PDSS1: variants seen among roughly 807,000 people sequenced by gnomAD.
The protein encoded by PDSS1 is decaprenyl diphosphate synthase subunit 1.
A neutral mutation model predicts 57.5 loss-of-function variants in PDSS1; 43 were observed. The observed-to-expected ratio is 0.75, with a 90% CI of 0.59 to 0.96. The LOEUF (loss-of-function observed/expected upper bound fraction) is 0.96, where lower values mean the gene tolerates loss of function less well. Ranked by LOEUF, PDSS1 falls within the 50% of genes least tolerant of loss-of-function variation. The probability of loss-of-function intolerance (pLI) is 0.00; values close to 1 mark genes in which losing one functional copy is unlikely to be tolerated. For synonymous variants in PDSS1, 175 were observed against 191.3 expected (o/e 0.91, Z 0.70); for missense variants, 438 against 527.8 (o/e 0.83, Z 1.67).
chr10:26,720,189 G>A, intron 5 of PDSS1, 29 bp from the exon 6 acceptor site: 1 of 1,612,150 alleles, frequency 6.2e-7, no homozygotes, highest in Non-Finnish European at 8.5e-7. Context: ...GGCGGCGTCT[G>A]TTAAAAAGCA....
rs577478695 is a variant in PDSS1 at position 26,746,626 on chromosome 10, A to AAAG, written c.*154_*156dup. 135 of 806,458 alleles carry AAAG rather than the reference A, an allele frequency of 1.7e-4. No individual in the cohort carries two copies. The African/African-American group carries it at 2.0e-3, about 12-fold the overall frequency. The allele number at this position is 806,458 out of a possible 1,614,324, so 50.0% of individuals were successfully genotyped here. A position where few individuals can be genotyped will look rare whatever the true frequency, so the allele number is the denominator to read the frequency against. ...GGGCAATTTATTTTTTTTTATTGCA[A>AAAG]AAGTTTTTTCAGAAAACTTTTTAAA... On this transcript the variant is annotated 3_prime_UTR_variant, in exon 12 of 12. Coordinates refer to ENST00000376215, the MANE Select transcript of PDSS1 (RefSeq NM_014317.5).
intron 4 of PDSS1, among the ~76,000 whole-genome samples, chr10:26,707,940 T>C (rs114316367): frequency 0.017 from 2,614 of 152,344 alleles, 59 homozygotes; most frequent in African/African-American, 0.055. Flanking sequence ...CCTTCTAGTC[T>C]GCCTCTTGTC....
intron 11 of PDSS1, among the ~76,000 whole-genome samples, chr10:26,742,898 T>TA (rs1836679692): frequency 1.3e-5 from 2 of 152,180 alleles, no homozygotes; most frequent in African/African-American, 4.8e-5. Flanking sequence ...CTTCCCTGTG[T>TA]CCATCAACAG....
rs1836516071 is a variant in PDSS1, at chr10:26,739,575, A to T, written c.1027-2922A>T. 2.0e-5 allele frequency among the ~76,000 whole-genome samples: 3 copies of T among 152,352 alleles called. No individual in the cohort carries two copies. In the South Asian group the frequency reaches 6.2e-4, roughly 32 times the overall value. On this transcript the variant is annotated intron_variant, in intron 10 of 11. Coordinates refer to ENST00000376215, the MANE Select transcript of PDSS1 (RefSeq NM_014317.5). Reference sequence around the variant, plus strand: ...TGAAAACACCCAATCAGCATATCTTACCACACTTGCTGGTACTGTAGAAAA... The same window carrying T: ...TGAAAACACCCAATCAGCATATCTTTCCACACTTGCTGGTACTGTAGAAAA...
chr10:26,737,691 C>G (rs1247646672), intron 10 of PDSS1, among the ~76,000 whole-genome samples: 4 of 139,270 alleles, frequency 2.9e-5, no homozygotes, highest in Admixed American at 7.7e-5. Flanking sequence ...AGACTGCACT[C>G]CAGCCTGGGT....
chr10:26,724,224 C>T, intron 8 of PDSS1, 101 bp downstream of exon 8: 1 of 795,684 alleles, frequency 1.3e-6, no homozygotes, highest in South Asian at 1.5e-5. Context: ...AAAATAGTAC[C>T]CAAAAATCCC....
chr10:26,736,042 A>G (rs887227461), intron 10 of PDSS1, among the ~76,000 whole-genome samples: 4 of 152,178 alleles, frequency 2.6e-5, no homozygotes, highest in Admixed American at 6.5e-5. Flanking sequence ...CTAGAAGTTT[A>G]ATGAGACTCT....
chr10:26,736,103 G>A lies in PDSS1; in HGVS notation c.1026+524G>A, dbSNP rs1004362718. Among the ~76,000 whole-genome samples the A allele has an allele frequency of 3.9e-5, 6 of 152,200 alleles. No individual in the cohort carries two copies. In the South Asian group the frequency reaches 1.0e-3, roughly 26 times the overall value. On this transcript the variant is annotated intron_variant, in intron 10 of 11. Transcript: ENST00000376215. ...CTCGGCCATTGCCTCAAAATGTCAG[G>A]AAGTCAGTGGAGTGCAGTAGACCCA...
chr10:26,699,252 G>C (rs1376721048), intron 1 of PDSS1, among the ~76,000 whole-genome samples: 1 of 152,178 alleles, frequency 6.6e-6, no homozygotes, highest in Non-Finnish European at 1.5e-5. Context: ...AAGAGGCTTA[G>C]AGGAGGAAGG....
intron 6 of PDSS1, among the ~76,000 whole-genome samples, chr10:26,723,462 G>T (rs781346445): frequency 6.6e-5 from 10 of 152,160 alleles, no homozygotes; most frequent in Non-Finnish European, 1.2e-4. Flanking sequence ...AGCCAATACA[G>T]TTCAAGTACT....
At position 26,746,528 on chromosome 10, in the gene PDSS1, T is replaced by C. The variant is rs562554609; in HGVS notation, c.*55T>C. ...CTTACCAGACTGTGCCTAAAGAATT[T>C]TGTGGAATACACTTTGTTTGCTTCA... is the stretch of plus-strand genomic sequence containing the variant. On this transcript the variant is annotated 3_prime_UTR_variant, in exon 12 of 12. Transcript: ENST00000376215. 1 of 1,585,322 alleles carries C rather than the reference T, an allele frequency of 6.3e-7. No homozygotes were observed. The highest frequency in any genetic ancestry group is 2.2e-5 in the East Asian group (1 of 44,736).
chr10:26,737,270 G>A lies in PDSS1; in HGVS notation c.1026+1691G>A, dbSNP rs754816285. Among the ~76,000 whole-genome samples the A allele has an allele frequency of 3.0e-4, 45 of 152,340 alleles. 1 individual carries two copies. The highest frequency in any genetic ancestry group is 1.0e-3 in the Admixed American group (16 of 15,304). ...TACTTAAACCTTAAGGTGACTGGGT[G>A]AGAGGAGGCTGGCCTCTTCGGACTG... On this transcript the variant is annotated intron_variant, in intron 10 of 11. Coordinates refer to ENST00000376215, the MANE Select transcript of PDSS1 (RefSeq NM_014317.5).
chr10:26,724,266 CA>C, intron 8 of PDSS1, 143 bp downstream of exon 8: 1 of 703,480 alleles, frequency 1.4e-6, no homozygotes. Flanking sequence ...ATGACATCCC[CA>C]AACAATAGAG....
intron 1 of PDSS1, 42 bp downstream of exon 1, chr10:26,697,882 C>G: frequency 7.9e-7 from 1 of 1,258,586 alleles, no homozygotes; most frequent in Non-Finnish European, 1.0e-6. Flanking sequence ...TCAGAGGTCA[C>G]GGCTCCAATG....
At chr10:26,707,382 A>G (rs1191800809) in intron 4 of PDSS1, among the ~76,000 whole-genome samples, 5 of 152,076 alleles carry the variant, frequency 3.3e-5, no homozygotes, top group Non-Finnish European at 5.9e-5. Context: ...GTGACCAATT[A>G]GTATTTTAGC....
chr10:26,720,308 A>G lies in PDSS1; in HGVS notation c.558A>G (p.Ala186=). The G allele has an allele frequency of 6.2e-7, 1 of 1,614,144 alleles. No individual in the cohort carries two copies. The highest frequency in any genetic ancestry group is 8.5e-7 in the Non-Finnish European group (1 of 1,179,960). ...TTCACGATGACGTTATTGACGATGC[A>G]AGTTCTCGAAGAGGAAAACACACAG... ...SLVHDDVIDD[A]SSRRGKHTVN... Residue 186 remains alanine, a synonymous_variant, in exon 6 of 12, where the codon GCA becomes GCG. Transcript: ENST00000376215.
At chr10:26,697,980 G>C in intron 1 of PDSS1, 140 bp downstream of exon 1, 5 of 772,704 alleles carry the variant, frequency 6.5e-6, no homozygotes, top group Non-Finnish European at 8.6e-6. Context: ...GCTCCGGGGT[G>C]GGACTCCGGA....
intron 1 of PDSS1, 33 bp downstream of exon 1, chr10:26,697,873 C>T (rs1474443091): frequency 7.9e-7 from 1 of 1,270,490 alleles, no homozygotes; most frequent in Non-Finnish European, 9.9e-7. Flanking sequence ...CGGCGGGGCT[C>T]AGAGGTCACG....
At chr10:26,737,141 C>T (rs1836433204) in intron 10 of PDSS1, among the ~76,000 whole-genome samples, 1 of 152,112 alleles carries the variant, frequency 6.6e-6, no homozygotes, top group Admixed American at 6.5e-5. Context: ...GCCTTTTTCC[C>T]TGGAGAAGTC....
Sources: allele counts gnomAD v4.1 joint callset (sites outside exome capture counted in the v4.1 genomes callset), GRCh38; gene constraint gnomAD v4.1.1; transcripts MANE v1.5; gene names NCBI Gene and HGNC (gene_info 2026-07-23, HGNC 2026-07-21).